Variants in KIAA1217 observed in about 807,000 individuals in gnomAD.
KIAA1217 encodes KIAA1217.
Under a neutral mutation model 163.9 loss-of-function variants are expected in KIAA1217, and 88 were observed. The observed-to-expected ratio is 0.54, with a 90% confidence interval of 0.45 to 0.64. The LOEUF is 0.64. KIAA1217 is among the 30% of genes least tolerant of loss of function. The probability of loss-of-function intolerance (pLI) is 0.00; values close to 1 mark genes in which losing one functional copy is unlikely to be tolerated. For missense variants in KIAA1217, 2,372 were observed against 2,475.0 expected (o/e 0.96, Z 0.88); for synonymous variants, 903 against 923.1 (o/e 0.98, Z 0.39).
chr10:23,947,612 G>C (rs1411019914), intron 1 of KIAA1217, among the ~76,000 whole-genome samples: 1 of 152,118 alleles, frequency 6.6e-6, no homozygotes. Context: ...GACATCACAG[G>C]AGCAAACTGC....
chr10:24,191,630 A>G (rs960597189), intron 2 of KIAA1217, among the ~76,000 whole-genome samples: 4 of 152,194 alleles, frequency 2.6e-5, no homozygotes, highest in African/African-American at 9.7e-5. Context: ...ATTCTTGCAA[A>G]AGCAACCCAG....
chr10:24,380,637 T>C (rs1257695495), intron 2 of KIAA1217, among the ~76,000 whole-genome samples: 1 of 151,680 alleles, frequency 6.6e-6, no homozygotes. Flanking sequence ...AATAAATAAA[T>C]AAATAAATAA....
At chr10:23,767,418 A>G (rs12773721) in intron 1 of KIAA1217, among the ~76,000 whole-genome samples, 1 of 152,156 alleles carries the variant, frequency 6.6e-6, no homozygotes, top group African/African-American at 2.4e-5. Flanking sequence ...TGGAGTCCCA[A>G]CTAAGAAGAA....
At chr10:24,447,439 A>G (rs2061033467) in intron 5 of KIAA1217, among the ~76,000 whole-genome samples, 1 of 151,844 alleles carries the variant, frequency 6.6e-6, no homozygotes, top group African/African-American at 2.4e-5. Flanking sequence ...CCCTGTGTCC[A>G]AGTGTTCTCA....
At position 24,379,867 on chromosome 10, in the gene KIAA1217, C is replaced by T. The variant is rs540178235; in HGVS notation, c.355-1002C>T. Among the ~76,000 whole-genome samples, 71 of 152,052 alleles carry T rather than the reference C, an allele frequency of 4.7e-4. No homozygotes were observed. The South Asian group carries it at 5.2e-3, about 11-fold the overall frequency. Reference sequence around the variant, plus strand: ...AGGAGTTTGAGACCACCCTAGCCAACGTGGCAAAACCCCATCTCTACTAAA... The same window carrying T: ...AGGAGTTTGAGACCACCCTAGCCAATGTGGCAAAACCCCATCTCTACTAAA... On this transcript the variant is annotated intron_variant, in intron 2 of 20. Transcript: ENST00000376454.
intron 1 of KIAA1217, among the ~76,000 whole-genome samples, chr10:23,945,824 A>C (rs188533352): frequency 6.3e-4 from 96 of 152,308 alleles, no homozygotes; most frequent in Admixed American, 1.9e-3. Context: ...GGGGTGTGAC[A>C]GGGCTATTCA....
intron 1 of KIAA1217, among the ~76,000 whole-genome samples, chr10:23,935,725 T>C (rs1843499501): frequency 6.6e-6 from 1 of 152,204 alleles, no homozygotes; most frequent in African/African-American, 2.4e-5. Context: ...TTATATACTA[T>C]TTGCACCTGC....
chr10:24,164,521 C>A lies in KIAA1217; in HGVS notation c.-170-55105C>A, dbSNP rs141657954. Among the ~76,000 whole-genome samples the A allele has an allele frequency of 1.8e-3, 275 of 152,268 alleles. 4 individuals are homozygous for A. The highest frequency in any genetic ancestry group is 0.011 in the South Asian group (51 of 4,824). On this transcript the variant is annotated intron_variant, in intron 2 of 18. Transcript: ENST00000376462. The stretch of plus-strand genomic sequence containing the variant: ...GCCACATCTCCAGTCTGGAATAGTT[C>A]TTGGTGTAGAGTGGGCACTCAATAA...
chr10:24,140,359 C>CAAA (rs1260294070), intron 2 of KIAA1217, among the ~76,000 whole-genome samples: 13 of 94,280 alleles, frequency 1.4e-4, no homozygotes, highest in African/African-American at 3.1e-4. Flanking sequence ...GACTCTGTCT[C>CAAA]AAAAAAAAAA....
chr10:24,090,459 C>T (rs1395287949), intron 2 of KIAA1217, among the ~76,000 whole-genome samples: 1 of 148,878 alleles, frequency 6.7e-6, no homozygotes, highest in African/African-American at 2.5e-5. Context: ...GGATTACAGG[C>T]ATGAGCCACT....
At chr10:24,415,900 C>T (rs574587329) in intron 3 of KIAA1217, among the ~76,000 whole-genome samples, 4 of 152,288 alleles carry the variant, frequency 2.6e-5, no homozygotes. Context: ...CACCCTGTGG[C>T]GTGGGCCTGA....
intron 5 of KIAA1217, among the ~76,000 whole-genome samples, chr10:24,467,586 C>G (rs1243002893): frequency 6.6e-6 from 1 of 152,158 alleles, no homozygotes; most frequent in Non-Finnish European, 1.5e-5. Flanking sequence ...TGTCGGTCAT[C>G]TCTTTCTTGC....
At chr10:24,135,445 C>T (rs1031364318) in intron 2 of KIAA1217, among the ~76,000 whole-genome samples, 2 of 151,854 alleles carry the variant, frequency 1.3e-5, no homozygotes, top group Non-Finnish European at 2.9e-5. Flanking sequence ...GGGGACTGGG[C>T]GGGGCTGAGT....
Position 24,088,256 on chromosome 10 carries a change from C to CATATATATATATATATATATAT in KIAA1217, c.-171+80901_-171+80902insTATATATATATATATATATATA, listed in dbSNP as rs758367708. 3.3e-3 allele frequency among the ~76,000 whole-genome samples: 312 copies of CATATATATATATATATATATAT among 95,776 alleles called. 25 individuals carry two copies. The highest frequency in any genetic ancestry group is 0.026 in the Middle Eastern group (4 of 156). The allele number at this position is 95,776 out of a possible 152,430, so 62.8% of individuals were successfully genotyped here. A position where few individuals can be genotyped will look rare whatever the true frequency, so the allele number is the denominator to read the frequency against. Reference sequence around the variant, plus strand: ...TCCCAGGCTCTGTTTTTTTAATATACATATATATATATATATATACACACA... The same window carrying CATATATATATATATATATATAT: ...TCCCAGGCTCTGTTTTTTTAATATACATATATATATATATATATATATATATATATATATATATATACACACA... On this transcript the variant is annotated intron_variant, in intron 2 of 18. Transcript: ENST00000376462.
chr10:24,257,350 G>A (rs2075272744), intron 2 of KIAA1217, among the ~76,000 whole-genome samples: 1 of 152,124 alleles, frequency 6.6e-6, no homozygotes, highest in African/African-American at 2.4e-5. Context: ...GGGGGTGGAG[G>A]GAGGGTTGGA....
chr10:24,142,605 AAAAT>A (rs1185096948), intron 2 of KIAA1217, among the ~76,000 whole-genome samples: 27 of 152,364 alleles, frequency 1.8e-4, no homozygotes, highest in African/African-American at 5.5e-4. Context: ...AATCTATAAA[AAAAT>A]AAATAAACTT....
At chr10:24,420,074 C>T (rs2058608285) in intron 3 of KIAA1217, among the ~76,000 whole-genome samples, 1 of 152,028 alleles carries the variant, frequency 6.6e-6, no homozygotes, top group Admixed American at 6.6e-5. Context: ...CTGCGATGGT[C>T]AGCTTAAAAG....
At chr10:23,957,578 C>T (rs1043596240) in intron 1 of KIAA1217, among the ~76,000 whole-genome samples, 1 of 151,974 alleles carries the variant, frequency 6.6e-6, no homozygotes, top group African/African-American at 2.4e-5. Context: ...AAAAATTAGC[C>T]GAGGATGGTG....
At chr10:24,452,180 A>G (rs2061421922) in intron 5 of KIAA1217, among the ~76,000 whole-genome samples, 1 of 152,178 alleles carries the variant, frequency 6.6e-6, no homozygotes, top group African/African-American at 2.4e-5. Flanking sequence ...CTTGTGGAGC[A>G]GGTGATCTCT....
Sources: gnomAD v4.1 joint callset for allele counts (sites outside exome capture counted in the v4.1 genomes callset) on GRCh38, gnomAD v4.1.1 for gene constraint, MANE v1.5 for transcripts, NCBI Gene and HGNC (gene_info 2026-07-23, HGNC 2026-07-21) for gene names.